DPYD: variants seen among roughly 807,000 people sequenced by gnomAD.
The protein encoded by DPYD is dihydropyrimidine dehydrogenase [NADP(+)].
A neutral mutation model predicts 116.2 loss-of-function variants in DPYD; 109 were observed. The ratio of observed to expected loss-of-function variants is 0.94; its 90% CI spans 0.80 to 1.10. The LOEUF is 1.10. DPYD is among the 50% of genes least tolerant of loss of function. The probability of loss-of-function intolerance (pLI) is 0.00; values close to 1 mark genes in which losing one functional copy is unlikely to be tolerated. For missense variants in DPYD, 1,302 were observed against 1,254.5 expected, an observed-to-expected ratio of 1.04 and a Z score of -0.57; for synonymous variants, 440 against 432.0, an observed-to-expected ratio of 1.02 and a Z score of -0.23.
chr1:97,886,635 A>G (rs1672500762), intron 1 of DPYD, among the ~76,000 whole-genome samples: 1 of 151,892 alleles, frequency 6.6e-6, no homozygotes, highest in Admixed American at 6.6e-5. Context: ...TGGCCCAGAG[A>G]TTTTTCCCAG....
At chr1:97,482,588 G>A (rs1322388923) in intron 13 of DPYD, among the ~76,000 whole-genome samples, 1 of 152,154 alleles carries the variant, frequency 6.6e-6, no homozygotes, top group East Asian at 1.9e-4. Context: ...ATCCAGGCCA[G>A]TTTCATTAGT....
intron 19 of DPYD, among the ~76,000 whole-genome samples, chr1:97,203,422 T>A (rs1308696507): frequency 1.5e-5 from 2 of 133,232 alleles, no homozygotes; most frequent in South Asian, 2.3e-4. Flanking sequence ...GGAGAAGTCA[T>A]AATGCCTAGA....
chr1:97,145,016 G>C (rs946717112), intron 20 of DPYD, among the ~76,000 whole-genome samples: 18 of 152,018 alleles, frequency 1.2e-4, no homozygotes, highest in African/African-American at 4.4e-4. Context: ...GGTGGTGCTG[G>C]GGCAAGTGTG....
rs993271531 is a variant in DPYD, at chr1:97,267,057, A to G, written c.2300-32063T>C. ...TGGGTATATACCCCGTAATGGGATC[A>G]CTGGGTCAAATGGTATTTCTAGTTC... On this transcript the variant is annotated intron_variant, in intron 18 of 22. Transcript: ENST00000370192. 1.2e-4 allele frequency among the ~76,000 whole-genome samples: 18 copies of G among 152,236 alleles called. No individual in the cohort carries two copies. In the Middle Eastern group the frequency reaches 0.01, roughly 86 times the overall value.
At chr1:97,593,568 C>T (rs768175748) in intron 9 of DPYD, among the ~76,000 whole-genome samples, 181 bp from the exon 10 acceptor site, 12 of 152,112 alleles carry the variant, frequency 7.9e-5, no homozygotes, top group Non-Finnish European at 1.3e-4. Flanking sequence ...TAAAAATATG[C>T]TCATATATGT....
At chr1:97,164,575 A>T (rs1316005826) in intron 20 of DPYD, among the ~76,000 whole-genome samples, 1 of 152,168 alleles carries the variant, frequency 6.6e-6, no homozygotes, top group Non-Finnish European at 1.5e-5. Flanking sequence ...CCTCTTCTGC[A>T]AAGTTTTGGA....
At chr1:97,715,568 C>T (rs1662568021) in intron 5 of DPYD, among the ~76,000 whole-genome samples, 1 of 152,074 alleles carries the variant, frequency 6.6e-6, no homozygotes, top group Non-Finnish European at 1.5e-5. Context: ...TGGGTATTCA[C>T]ATAAGCCAGT....
chr1:97,305,888 C>T (rs892433328), intron 17 of DPYD, among the ~76,000 whole-genome samples: 5 of 151,684 alleles, frequency 3.3e-5, no homozygotes, highest in Non-Finnish European at 5.9e-5. Context: ...TTATTTTGGA[C>T]GGGTTTGCTG....
intron 15 of DPYD, among the ~76,000 whole-genome samples, chr1:97,377,566 G>C (rs1332378161): frequency 6.6e-6 from 1 of 152,176 alleles, no homozygotes; most frequent in African/African-American, 2.4e-5. Context: ...TATGACAGTG[G>C]TATAGTTTTT....
intron 11 of DPYD, among the ~76,000 whole-genome samples, chr1:97,566,300 T>C (rs2786539): frequency 0.016 from 2,466 of 152,174 alleles, 61 homozygotes; most frequent in African/African-American, 0.055. Context: ...TTAAAAAGAG[T>C]CTGCACTAGC....
chr1:97,517,294 A>C (rs1270436884), intron 12 of DPYD, among the ~76,000 whole-genome samples: 2 of 152,050 alleles, frequency 1.3e-5, no homozygotes, highest in African/African-American at 4.8e-5. Context: ...GTCCTCACAC[A>C]GGATTGCTAT....
Position 97,567,568 on chromosome 1 carries a change from C to T in DPYD, c.1339+6192G>A, listed in dbSNP as rs148466760. On this transcript the variant is annotated intron_variant, in intron 11 of 22. Coordinates refer to ENST00000370192, the MANE Select transcript of DPYD (RefSeq NM_000110.4). Reference sequence around the variant, plus strand: ...GCCCTGAGCTCAGTCACCTTGTCTCCGCTCTACTGAGCAGTGTGGTGCAAC... The same window carrying T: ...GCCCTGAGCTCAGTCACCTTGTCTCTGCTCTACTGAGCAGTGTGGTGCAAC... 2.2e-3 allele frequency among the ~76,000 whole-genome samples: 335 copies of T among 152,210 alleles called. 4 individuals carry two copies. Among genetic ancestry groups the T allele is most frequent in the African/African-American group, 7.4e-3 (309 of 41,540 alleles).
intron 20 of DPYD, among the ~76,000 whole-genome samples, chr1:97,151,548 G>A (rs1655018437): frequency 1.3e-5 from 2 of 152,052 alleles, no homozygotes. Context: ...GGTGGTGGGC[G>A]CCTGTAATCC....
intron 7 of DPYD, among the ~76,000 whole-genome samples, chr1:97,681,384 A>G (rs182945700): frequency 6.0e-4 from 92 of 152,216 alleles, no homozygotes; most frequent in Non-Finnish European, 1.0e-3. Flanking sequence ...AAGAAGTTGG[A>G]GAGGAGAATA....
chr1:97,271,182 C>T lies in DPYD; in HGVS notation c.2299+34077G>A, dbSNP rs372853840. On this transcript the variant is annotated intron_variant, in intron 18 of 22. Transcript: ENST00000370192. ...TGGTGCATTAGAGAGTAGAACAGTT[C>T]CCTCTGACTGGAGCACAGCTGAGCC... 2.8e-4 allele frequency among the ~76,000 whole-genome samples: 43 copies of T among 152,128 alleles called. 1 individual carries two copies. Among genetic ancestry groups the T allele is most frequent in the East Asian group, 2.3e-3 (12 of 5,164 alleles).
chr1:97,296,638 C>A (rs887910358), intron 18 of DPYD, among the ~76,000 whole-genome samples: 1 of 151,772 alleles, frequency 6.6e-6, no homozygotes, highest in African/African-American at 2.4e-5. Flanking sequence ...TACAGGAAAT[C>A]ATTTATCATT....
At chr1:97,334,727 AAATTAT>A (rs1345042407) in intron 16 of DPYD, among the ~76,000 whole-genome samples, 2 of 152,222 alleles carry the variant, frequency 1.3e-5, no homozygotes, top group South Asian at 2.1e-4. Context: ...GGAGCTCAAT[AAATTAT>A]AATTATAAGA....
At chr1:97,825,154 C>T (rs908339973) in intron 3 of DPYD, among the ~76,000 whole-genome samples, 1 of 152,028 alleles carries the variant, frequency 6.6e-6, no homozygotes, top group African/African-American at 2.4e-5. Flanking sequence ...GGGCTACAGG[C>T]TCAGGGCATC....
At chr1:97,881,378 G>C (rs778625184) in intron 2 of DPYD, among the ~76,000 whole-genome samples, 41 of 151,988 alleles carry the variant, frequency 2.7e-4, no homozygotes, top group Non-Finnish European at 5.4e-4. Flanking sequence ...AGAACTGTGA[G>C]AAAATAAGTC....
Sources: gnomAD v4.1 joint callset for allele counts (sites outside exome capture counted in the v4.1 genomes callset) on GRCh38, gnomAD v4.1.1 for gene constraint, MANE v1.5 for transcripts, NCBI Gene and HGNC (gene_info 2026-07-23, HGNC 2026-07-21) for gene names.